FGGY: variants seen among roughly 807,000 people sequenced by gnomAD.
The protein encoded by FGGY is FGGY carbohydrate kinase domain-containing protein.
A neutral mutation model predicts 71.3 loss-of-function variants in FGGY; 72 were observed. The ratio of observed to expected loss-of-function variants is 1.01; its 90% confidence interval spans 0.84 to 1.23. The LOEUF (loss-of-function observed/expected upper bound fraction) is 1.23, where lower values mean the gene tolerates loss of function less well. Ranked by LOEUF, FGGY falls within the 50% of genes most tolerant of loss-of-function variation. The pLI is 0.00. For synonymous variants in FGGY, 251 were observed against 250.3 expected (o/e 1.00, Z -0.02); for missense variants, 668 against 682.3 (o/e 0.98, Z 0.23).
At chr1:59,461,067 A>G (rs2092160364) in intron 6 of FGGY, among the ~76,000 whole-genome samples, 1 of 152,242 alleles carries the variant, frequency 6.6e-6, no homozygotes, top group Non-Finnish European at 1.5e-5. Context: ...ACGGAGAATG[A>G]CTTTCACGAG....
intron 2 of FGGY, among the ~76,000 whole-genome samples, chr1:59,325,774 C>T (rs1383034795): frequency 2.0e-5 from 3 of 152,174 alleles, no homozygotes; most frequent in Admixed American, 1.3e-4. Flanking sequence ...GGAAGGACAA[C>T]TATTCTTCCT....
intron 11 of FGGY, among the ~76,000 whole-genome samples, chr1:59,654,201 C>T (rs1177531340): frequency 6.6e-6 from 1 of 152,204 alleles, no homozygotes; most frequent in African/African-American, 2.4e-5. Context: ...CTTACTGACA[C>T]CTCTAAATAT....
At chr1:59,599,166 C>T (rs917608236) in intron 8 of FGGY, among the ~76,000 whole-genome samples, 17 of 152,192 alleles carry the variant, frequency 1.1e-4, no homozygotes, top group Admixed American at 4.6e-4. Flanking sequence ...TGCAGTGGCA[C>T]GATCTTGGCT....
chr1:59,725,707 G>A (rs1018637951), intron 14 of FGGY, among the ~76,000 whole-genome samples: 2 of 151,210 alleles, frequency 1.3e-5, no homozygotes, highest in African/African-American at 4.9e-5. Flanking sequence ...AATGGTAATT[G>A]CTAGAAAGAA....
chr1:59,523,650 T>C (rs542347187), intron 7 of FGGY, among the ~76,000 whole-genome samples: 3 of 152,350 alleles, frequency 2.0e-5, no homozygotes, highest in Non-Finnish European at 4.4e-5. Context: ...TCTCCAGTTA[T>C]ATCATTCAAC....
chr1:59,343,653 TGTA>T (rs2051167877), intron 3 of FGGY, among the ~76,000 whole-genome samples: 1 of 152,164 alleles, frequency 6.6e-6, no homozygotes, highest in Non-Finnish European at 1.5e-5. Flanking sequence ...GTGCTTGGCA[TGTA>T]GTAGATGCTC....
At chr1:59,634,079 G>T (rs910838729) in intron 10 of FGGY, among the ~76,000 whole-genome samples, 2 of 152,068 alleles carry the variant, frequency 1.3e-5, no homozygotes, top group Admixed American at 1.3e-4. Flanking sequence ...CAGTAGAATG[G>T]AGCAGGCAGA....
intron 7 of FGGY, among the ~76,000 whole-genome samples, chr1:59,543,006 A>G (rs1443079471): frequency 6.6e-6 from 1 of 152,158 alleles, no homozygotes; most frequent in Non-Finnish European, 1.5e-5. Flanking sequence ...AGAGGTGGAG[A>G]GGAGAGCTAA....
At chr1:59,730,494 G>A (rs1187585334) in intron 14 of FGGY, among the ~76,000 whole-genome samples, 1 of 152,124 alleles carries the variant, frequency 6.6e-6, no homozygotes, top group Non-Finnish European at 1.5e-5. Context: ...AGCCAGAATA[G>A]CACCTGACTC....
intron 5 of FGGY, among the ~76,000 whole-genome samples, chr1:59,408,593 T>A (rs562056481): frequency 6.6e-6 from 1 of 152,320 alleles, no homozygotes; most frequent in Non-Finnish European, 1.5e-5. Flanking sequence ...TCTAAATATA[T>A]ATGTATATGC....
chr1:59,762,637 C>A lies in FGGY; in HGVS notation c.*53C>A. On this transcript the variant is annotated 3_prime_UTR_variant, in exon 16 of 16. Transcript: ENST00000303721. The stretch of plus-strand genomic sequence containing the variant: ...AGCTTCTGTGCCATTGCATTAAAGA[C>A]TTGTCATTTGATCCATGTTCAAGAC... 1.9e-6 allele frequency: 2 copies of A among 1,032,730 alleles called. No individual in the cohort carries two copies. The highest frequency in any genetic ancestry group is 2.8e-6 in the Non-Finnish European group (2 of 716,758). 64.0% of individuals were successfully genotyped at this position (1,032,730 alleles called of 1,614,324 possible).
At chr1:59,566,044 G>A (rs149851655) in intron 8 of FGGY, among the ~76,000 whole-genome samples, 35 of 152,242 alleles carry the variant, frequency 2.3e-4, no homozygotes, top group African/African-American at 7.5e-4. Flanking sequence ...TTTGTTTGGA[G>A]AGCATGATGA....
intron 5 of FGGY, among the ~76,000 whole-genome samples, chr1:59,451,800 C>A (rs2072793161): frequency 6.6e-6 from 1 of 152,204 alleles, no homozygotes; most frequent in South Asian, 2.1e-4. Flanking sequence ...TAATCAGTTT[C>A]TCGTAATAGT....
intron 8 of FGGY, among the ~76,000 whole-genome samples, chr1:59,594,535 G>A (rs1354547326): frequency 6.6e-6 from 1 of 152,126 alleles, no homozygotes; most frequent in Non-Finnish European, 1.5e-5. Flanking sequence ...CCTGGCACCA[G>A]GCACCCAAGG....
chr1:59,349,515 C>T (rs370195573), intron 4 of FGGY, among the ~76,000 whole-genome samples: 2 of 152,120 alleles, frequency 1.3e-5, no homozygotes, highest in African/African-American at 4.8e-5. Context: ...CTTACCATCT[C>T]GCACTTGAGA....
intron 8 of FGGY, among the ~76,000 whole-genome samples, chr1:59,588,546 C>A (rs1054906784): frequency 1.3e-5 from 2 of 152,138 alleles, no homozygotes; most frequent in African/African-American, 4.8e-5. Context: ...AGAGAAAGGG[C>A]GGGTTACCCA....
intron 6 of FGGY, among the ~76,000 whole-genome samples, chr1:59,463,639 T>C (rs1415154797): frequency 2.8e-5 from 4 of 143,232 alleles, no homozygotes; most frequent in Admixed American, 1.4e-4. Flanking sequence ...GAGACACACA[T>C]AGGCTCAAAA....
intron 5 of FGGY, among the ~76,000 whole-genome samples, chr1:59,401,263 G>A (rs1167427601): frequency 1.3e-5 from 2 of 152,134 alleles, no homozygotes; most frequent in East Asian, 1.9e-4. Flanking sequence ...CATCTTCAAT[G>A]TATAAAGCCC....
chr1:59,459,999 G>C (rs922966423), intron 6 of FGGY, among the ~76,000 whole-genome samples: 1 of 152,180 alleles, frequency 6.6e-6, no homozygotes, highest in Non-Finnish European at 1.5e-5. Flanking sequence ...TAAATTCCAA[G>C]TCCAGGAAGT....
Sources: allele counts gnomAD v4.1 joint callset (sites outside exome capture counted in the v4.1 genomes callset), GRCh38; gene constraint gnomAD v4.1.1; transcripts MANE v1.5; gene names NCBI Gene and HGNC (gene_info 2026-07-23, HGNC 2026-07-21).